The following PCNP variants were observed in gnomAD, a reference collection of about 807,000 sequenced individuals.
PCNP encodes PEST proteolytic signal containing nuclear protein.
A neutral mutation model predicts 21.8 loss-of-function variants in PCNP; 6 were observed. The observed-to-expected ratio is 0.28, with a 90% CI of 0.15 to 0.54. The LOEUF (loss-of-function observed/expected upper bound fraction) is 0.54, where lower values mean the gene tolerates loss of function less well. Among genes scored for constraint, PCNP ranks in the 20% least tolerant of loss-of-function variants. PCNP has a pLI of 0.95. For synonymous variants in PCNP, 67 were observed against 73.2 expected (o/e 0.92, Z 0.43); for missense variants, 161 against 215.5 (o/e 0.75, Z 1.58).
At chr3:101,589,386 T>C (rs922612378) in intron 3 of PCNP, among the ~76,000 whole-genome samples, 2 of 148,078 alleles carry the variant, frequency 1.4e-5, no homozygotes, top group South Asian at 2.1e-4. Context: ...CCTATAAGTA[T>C]AGAAAAAGTA....
chr3:101,576,570 G>A (rs1224482769), intron 1 of PCNP: 1 of 1,610,940 alleles, frequency 6.2e-7, no homozygotes, highest in South Asian at 1.1e-5. Flanking sequence ...GAAGGCCCCA[G>A]AAGTGACGCA....
In PCNP at chr3:101,576,382, G is replaced by T. The variant is rs1488528678; in HGVS notation, c.64+2103G>T. 7.1e-6 allele frequency: 6 copies of T among 848,956 alleles called. No homozygotes were observed. In the Admixed American group the frequency reaches 1.5e-4, roughly 22 times the overall value. The allele number at this position is 848,956 out of a possible 1,614,324, so 52.6% of individuals were successfully genotyped here. A position where few individuals can be genotyped will look rare whatever the true frequency, so the allele number is the denominator to read the frequency against. On this transcript the variant is annotated intron_variant, in intron 1 of 4. Transcript: ENST00000265260. Reference sequence around the variant, plus strand: ...CCCAAGTAGCTGGGACTACAGGCGCGGGCCACCACGCCCAGCTAATTTTTG... The same window carrying T: ...CCCAAGTAGCTGGGACTACAGGCGCTGGCCACCACGCCCAGCTAATTTTTG...
chr3:101,581,182 A>G (rs1008407966), intron 2 of PCNP, among the ~76,000 whole-genome samples: 4 of 152,180 alleles, frequency 2.6e-5, no homozygotes, highest in Non-Finnish European at 4.4e-5. Context: ...TTGAGCTTAT[A>G]ACATCAGTAC....
At chr3:101,584,665 A>G (rs1043486670) in intron 2 of PCNP, among the ~76,000 whole-genome samples, 2 of 152,056 alleles carry the variant, frequency 1.3e-5, no homozygotes, top group African/African-American at 4.8e-5. Context: ...CCTGGGTTCA[A>G]GCGATTCTCC....
chr3:101,590,078 C>CA, intron 3 of PCNP, 137 bp from the exon 4 acceptor site: 1 of 641,886 alleles, frequency 1.6e-6, no homozygotes, highest in South Asian at 1.8e-5. Context: ...GTAAATAACT[C>CA]ACTAATTTTC....
chr3:101,579,524 G>A, intron 1 of PCNP: 1 of 601,316 alleles, frequency 1.7e-6, no homozygotes, highest in Non-Finnish European at 3.1e-6. Context: ...GTGTTTAGTT[G>A]AAGGGTCTTG....
intron 2 of PCNP, among the ~76,000 whole-genome samples, chr3:101,583,921 C>T (rs1935364979): frequency 6.6e-6 from 1 of 151,304 alleles, no homozygotes; most frequent in African/African-American, 2.4e-5. Context: ...GCCTTAGCCT[C>T]CCAAAGTGCT....
At chr3:101,578,075 T>A (rs1303714429) in intron 1 of PCNP, among the ~76,000 whole-genome samples, 5 of 152,216 alleles carry the variant, frequency 3.3e-5, no homozygotes, top group African/African-American at 7.2e-5. Flanking sequence ...TTCTCATTTT[T>A]AAAAAAACTG....
chr3:101,589,447 G>A (rs1370075171), intron 3 of PCNP, among the ~76,000 whole-genome samples: 1 of 146,276 alleles, frequency 6.8e-6, no homozygotes, highest in Non-Finnish European at 1.5e-5. Flanking sequence ...TTTCACTCAT[G>A]TCACCCAGGC....
chr3:101,584,550 GTTTTTAT>G (rs1935393649), intron 2 of PCNP, among the ~76,000 whole-genome samples: 1 of 152,050 alleles, frequency 6.6e-6, no homozygotes, highest in African/African-American at 2.4e-5. Context: ...AGGAAAGGGT[GTTTTTAT>G]TTTTTATTTT....
chr3:101,593,494 T>G lies in PCNP; in HGVS notation c.*741T>G, dbSNP rs764930103. On this transcript the variant is annotated 3_prime_UTR_variant, in exon 5 of 5. Coordinates refer to ENST00000265260, the MANE Select transcript of PCNP (RefSeq NM_020357.3). ...TGTTTTTTGTTTATTAGCTAGTTCCTGTAAGCATTTCCACCAGAACTTGAG... is the reference window on the plus strand; with the variant it reads ...TGTTTTTTGTTTATTAGCTAGTTCCGGTAAGCATTTCCACCAGAACTTGAG... 6 of 152,774 alleles carry G rather than the reference T, an allele frequency of 3.9e-5. No homozygotes were observed. Among genetic ancestry groups the G allele is most frequent in the Non-Finnish European group, 8.8e-5 (6 of 68,028 alleles). The allele number at this position is 152,774 out of a possible 1,614,324, so 9.5% of individuals were successfully genotyped here. A position where few individuals can be genotyped will look rare whatever the true frequency, so the allele number is the denominator to read the frequency against.
Position 101,585,531 on chromosome 3 carries a change from T to C in PCNP, c.354+20T>C. 6.4e-7 allele frequency: 1 copy of C among 1,553,928 alleles called. No individual in the cohort carries two copies. The highest frequency in any genetic ancestry group is 8.8e-7 in the Non-Finnish European group (1 of 1,131,750). ...GAAGATGTAAGTTGATATCGAGTTT[T>C]GTTTTTTTACTTTAACCAGTTATTT... On this transcript the variant is annotated intron_variant, in intron 3 of 4. Transcript: ENST00000265260.
At chr3:101,590,507 T>C (rs978575843) in intron 4 of PCNP, among the ~76,000 whole-genome samples, 1 of 152,184 alleles carries the variant, frequency 6.6e-6, no homozygotes, top group Non-Finnish European at 1.5e-5. Context: ...TCTTATTTAG[T>C]CTCCAGTTAA....
chr3:101,587,707 C>T (rs1363024550), intron 3 of PCNP, among the ~76,000 whole-genome samples: 1 of 151,428 alleles, frequency 6.6e-6, no homozygotes, highest in East Asian at 1.9e-4. Context: ...TTGAGAAGCA[C>T]TAACTTAAAT....
chr3:101,577,194 G>A (rs1177242763), intron 1 of PCNP, among the ~76,000 whole-genome samples: 1 of 152,122 alleles, frequency 6.6e-6, no homozygotes, highest in African/African-American at 2.4e-5. Context: ...GGGTAAAATT[G>A]GTAGTTTTTT....
chr3:101,586,527 C>G (rs1457434139), intron 3 of PCNP, among the ~76,000 whole-genome samples: 3 of 75,796 alleles, frequency 4.0e-5, no homozygotes, highest in Admixed American at 2.6e-4. Flanking sequence ...TTCCCAAAAG[C>G]ATATGTGGGC....
At chr3:101,583,917 G>A (rs1935364863) in intron 2 of PCNP, among the ~76,000 whole-genome samples, 1 of 143,888 alleles carries the variant, frequency 6.9e-6, no homozygotes, top group Non-Finnish European at 1.5e-5. Flanking sequence ...ACTTGCCTTA[G>A]CCTCCCAAAG....
chr3:101,578,298 A>G (rs1935039924), intron 1 of PCNP, among the ~76,000 whole-genome samples: 2 of 152,256 alleles, frequency 1.3e-5, no homozygotes, highest in Admixed American at 6.5e-5. Flanking sequence ...AAATTAGCGT[A>G]AGTGCTTTTA....
At chr3:101,592,094 C>T (rs151280778) in intron 4 of PCNP, among the ~76,000 whole-genome samples, 197 of 152,124 alleles carry the variant, frequency 1.3e-3, no homozygotes, top group African/African-American at 4.6e-3. Context: ...CCAATTTAGG[C>T]CTGCTGGATC....
Sources: gnomAD v4.1 joint callset for allele counts (sites outside exome capture counted in the v4.1 genomes callset) on GRCh38, gnomAD v4.1.1 for gene constraint, MANE v1.5 for transcripts, NCBI Gene and HGNC (gene_info 2026-07-23, HGNC 2026-07-21) for gene names.